Variants in PTPRN2 observed in about 807,000 individuals in gnomAD.
The protein encoded by PTPRN2 is protein tyrosine phosphatase receptor type N2.
A neutral mutation model predicts 118.8 loss-of-function variants in PTPRN2; 74 were observed. The observed-to-expected ratio is 0.62, with a 90% CI of 0.52 to 0.76. PTPRN2 has a LOEUF of 0.76. Ranked by LOEUF, PTPRN2 falls within the 30% of genes least tolerant of loss-of-function variation. The pLI is 0.00. For missense variants in PTPRN2, 1,481 were observed against 1,394.4 expected (o/e 1.06, Z -0.99); for synonymous variants, 641 against 608.0 (o/e 1.05, Z -0.80).
At chr7:158,149,696 C>T (rs1386771898) in intron 6 of PTPRN2, among the ~76,000 whole-genome samples, 1 of 151,658 alleles carries the variant, frequency 6.6e-6, no homozygotes, top group African/African-American at 2.4e-5. Flanking sequence ...CCCAGCTACT[C>T]AGGAGGCTAA....
chr7:157,729,384 G>A lies in PTPRN2; in HGVS notation c.1789-46447C>T, dbSNP rs913304978. Among the ~76,000 whole-genome samples, 12 of 152,056 alleles carry A rather than the reference G, an allele frequency of 7.9e-5. No homozygotes were observed. The highest frequency in any genetic ancestry group is 2.2e-4 in the African/African-American group (9 of 41,388). On this transcript the variant is annotated intron_variant, in intron 12 of 22. Coordinates refer to ENST00000389418, the MANE Select transcript of PTPRN2 (RefSeq NM_002847.5). The surrounding 1 kb of genome is among the most constrained non-coding windows in gnomAD (Gnocchi z 4.3). Reference sequence around the variant, plus strand: ...GGAGGGCTGGATGCCTTCAGGTCCCGGACCCCCCACTCTGCTCCCGTGGAC... The same window carrying A: ...GGAGGGCTGGATGCCTTCAGGTCCCAGACCCCCCACTCTGCTCCCGTGGAC...
At chr7:158,070,707 CGGAGGTGCCTGTGGTGT>C (rs1811254135) in intron 11 of PTPRN2, among the ~76,000 whole-genome samples, 1 of 31,378 alleles carries the variant, frequency 3.2e-5, no homozygotes, top group South Asian at 1.4e-3. Flanking sequence ...CCCCTGGTGG[CGGAGGTGCCTGTGGTGT>C]GGAGGTGCCC....
intron 11 of PTPRN2, among the ~76,000 whole-genome samples, chr7:157,941,717 C>T (rs997057581): frequency 2.6e-5 from 4 of 152,218 alleles, no homozygotes; most frequent in Non-Finnish European, 5.9e-5. Context: ...TCTCCCAGAG[C>T]CAGCCACACT....
chr7:157,837,490 C>A (rs1808056926), intron 12 of PTPRN2, among the ~76,000 whole-genome samples: 1 of 151,242 alleles, frequency 6.6e-6, no homozygotes, highest in Non-Finnish European at 1.5e-5. Context: ...TCCGAGATGG[C>A]TCAGAAGGGG....
chr7:157,631,631 G>C (rs1328319797), intron 14 of PTPRN2, among the ~76,000 whole-genome samples: 1 of 152,032 alleles, frequency 6.6e-6, no homozygotes, highest in Non-Finnish European at 1.5e-5. Flanking sequence ...AGGAGATCGA[G>C]TCCATCCTGG....
chr7:158,091,556 C>T (rs1814124858), intron 10 of PTPRN2, among the ~76,000 whole-genome samples: 1 of 150,772 alleles, frequency 6.6e-6, no homozygotes, highest in South Asian at 2.1e-4. Context: ...GAGTGAAGCC[C>T]ATAACATGAA....
chr7:158,542,744 C>T (rs919426629), intron 1 of PTPRN2, among the ~76,000 whole-genome samples: 19 of 152,200 alleles, frequency 1.2e-4, no homozygotes, highest in Admixed American at 5.2e-4. Flanking sequence ...AAGTTTTCTA[C>T]GACATTGATG....
intron 11 of PTPRN2, among the ~76,000 whole-genome samples, chr7:158,019,225 C>G (rs1806683096): frequency 6.6e-6 from 1 of 152,248 alleles, no homozygotes; most frequent in African/African-American, 2.4e-5. Flanking sequence ...AGGGGCCTCC[C>G]CGATCCTGGG....
intron 11 of PTPRN2, among the ~76,000 whole-genome samples, chr7:157,907,215 G>A (rs574571515): frequency 2.6e-5 from 4 of 152,318 alleles, no homozygotes; most frequent in South Asian, 2.1e-4. Context: ...ACGTGGGCTC[G>A]GAGAGGACCA....
chr7:158,560,542 TGTAA>T (rs1827308859), intron 1 of PTPRN2, among the ~76,000 whole-genome samples: 1 of 152,236 alleles, frequency 6.6e-6, no homozygotes, highest in Non-Finnish European at 1.5e-5. Flanking sequence ...GAACACAACG[TGTAA>T]GAACGGTGAC....
intron 3 of PTPRN2, among the ~76,000 whole-genome samples, chr7:158,281,833 C>T (rs897924711): frequency 2.6e-5 from 4 of 152,212 alleles, no homozygotes; most frequent in African/African-American, 7.2e-5. Context: ...CAGAATAAAC[C>T]CTGCTAGTTC....
chr7:158,307,147 A>G (rs1463402604), intron 3 of PTPRN2, among the ~76,000 whole-genome samples: 4 of 152,198 alleles, frequency 2.6e-5, no homozygotes, highest in African/African-American at 9.7e-5. Flanking sequence ...GATTATAGGC[A>G]TGAGCCACTG....
At chr7:157,735,163 T>C (rs1800226451) in intron 12 of PTPRN2, among the ~76,000 whole-genome samples, 1 of 152,196 alleles carries the variant, frequency 6.6e-6, no homozygotes. Flanking sequence ...GCTCCCGTGG[T>C]TCGGCCGGCG....
rs776371595 is a variant in PTPRN2, at chr7:158,018,979, AAAAAAAAAAAAAG to A, written c.1723+62306_1723+62318del. On this transcript the variant is annotated intron_variant, in intron 11 of 22. Coordinates refer to ENST00000389418, the MANE Select transcript of PTPRN2 (RefSeq NM_002847.5). ...TTGTTTCAAAAACAAAAAAAAAAAA[AAAAAAAAAAAAAG>A]AGAATATAAGAAAGTATAAACAGAG... Among the ~76,000 whole-genome samples the A allele has an allele frequency of 3.5e-3, 525 of 151,238 alleles. 1 individual carries two copies. The highest frequency in any genetic ancestry group is 7.5e-3 in the Admixed American group (114 of 15,230).
chr7:158,480,559 G>A (rs1586768380), intron 2 of PTPRN2, among the ~76,000 whole-genome samples: 1 of 152,230 alleles, frequency 6.6e-6, no homozygotes, highest in Non-Finnish European at 1.5e-5. Context: ...ACTTAGTGAG[G>A]AAGCCATGCC....
intron 11 of PTPRN2, among the ~76,000 whole-genome samples, chr7:157,923,868 C>A (rs1222215413): frequency 6.6e-6 from 1 of 152,142 alleles, no homozygotes; most frequent in African/African-American, 2.4e-5. Flanking sequence ...GTTGAATTTG[C>A]AAAATGGTTG....
At chr7:158,580,498 C>G (rs1828567805) in intron 1 of PTPRN2, among the ~76,000 whole-genome samples, 1 of 152,178 alleles carries the variant, frequency 6.6e-6, no homozygotes, top group South Asian at 2.1e-4. Flanking sequence ...CCTTTCAGAA[C>G]CACGTGGTGA....
chr7:157,653,920 C>T (rs1406073262), intron 14 of PTPRN2, among the ~76,000 whole-genome samples: 6 of 137,392 alleles, frequency 4.4e-5, no homozygotes, highest in Non-Finnish European at 9.4e-5. Context: ...CCGTCTCTCC[C>T]CACACCCACC....
intron 11 of PTPRN2, among the ~76,000 whole-genome samples, chr7:157,930,295 A>G (rs1395001752): frequency 6.6e-6 from 1 of 152,224 alleles, no homozygotes; most frequent in African/African-American, 2.4e-5. Flanking sequence ...GATGGCAATG[A>G]AAGTCTGGTT....
Sources: allele counts gnomAD v4.1 joint callset (sites outside exome capture counted in the v4.1 genomes callset), GRCh38; gene constraint gnomAD v4.1.1; non-coding constraint Gnocchi (gnomAD v3.1); transcripts MANE v1.5; gene names NCBI Gene and HGNC (gene_info 2026-07-23, HGNC 2026-07-21).